ABCA7: variants seen among roughly 807,000 people sequenced by gnomAD.
ABCA7 encodes the protein ATP binding cassette subfamily A member 7.
In ABCA7, 261 loss-of-function variants were observed where a neutral mutation model predicts 227.6. The observed-to-expected ratio is 1.15, with a 90% CI of 1.04 to 1.27. The LOEUF is 1.27. ABCA7 is among the 50% of genes most tolerant of loss of function. The pLI is 0.00. For synonymous variants in ABCA7, 1,488 were observed against 1,279.7 expected (o/e 1.16, Z -3.47); for missense variants, 3,331 against 2,924.5 (o/e 1.14, Z -3.21).
Position 1,041,554 on chromosome 19 carries a change from C to T in ABCA7, c.111C>T (p.Phe37=). 1 of 1,613,464 alleles carries T rather than the reference C, an allele frequency of 6.2e-7. No homozygotes were observed. Among genetic ancestry groups the T allele is most frequent in the Non-Finnish European group, 8.5e-7 (1 of 1,180,032 alleles). The change falls in exon 3 of 47, where the codon TTC becomes TTT. Residue 37 remains phenylalanine, a synonymous_variant. Coordinates refer to ENST00000263094, the MANE Select transcript of ABCA7 (RefSeq NM_019112.4). ...TGCTGTGGCCTCTCTTCCTCTTCTT[C>T]ATCCTGGTGGCTGTTCGCCACTCCC... ...VELLWPLFLF[F]ILVAVRHSHP... is the part of the protein sequence containing the mutation.
Position 1,058,283 on chromosome 19 carries a change from G to C in ABCA7, c.5149+14G>C. 6.2e-7 allele frequency: 1 copy of C among 1,612,454 alleles called. No homozygotes were observed. The highest frequency in any genetic ancestry group is 1.7e-5 in the Admixed American group (1 of 59,948). On this transcript the variant is annotated intron_variant, in intron 37 of 46. Transcript: ENST00000263094. ...TTGAGCGCTTGGGTGAGAACTTCCTGTCAGGTGGGGCCATGGCTACAGATA... is the reference window on the plus strand; with the variant it reads ...TTGAGCGCTTGGGTGAGAACTTCCTCTCAGGTGGGGCCATGGCTACAGATA...
At chr19:1,045,330 G>T (rs1224248406) in intron 12 of ABCA7, 99 bp downstream of exon 12, 13 of 1,190,716 alleles carry the variant, frequency 1.1e-5, no homozygotes, top group Non-Finnish European at 1.4e-5. Context: ...GACCATGATA[G>T]ACAGGATCTG....
intron 12 of ABCA7, 46 bp from the exon 13 acceptor site, chr19:1,046,184 A>C (rs368123184): frequency 4.0e-5 from 64 of 1,590,000 alleles, no homozygotes; most frequent in Middle Eastern, 3.3e-4. Context: ...GGGCCCCGGG[A>C]GTTTCTAGCC....
rs748713198 is a variant in ABCA7, at chr19:1,044,569, C to T, written c.1048-8C>T. 4.4e-6 allele frequency: 7 copies of T among 1,608,568 alleles called. No individual in the cohort carries two copies. The highest frequency in any genetic ancestry group is 2.2e-5 in the South Asian group (2 of 90,864). ...ACCCAGACTCTCACTTTCACCTGCG[C>T]CCCCCAGCGGCTCCTGCAGATGCAG... On this transcript the variant is annotated splice_region_variant and splice_polypyrimidine_tract_variant and intron_variant, in intron 10 of 46. Coordinates refer to ENST00000263094, the MANE Select transcript of ABCA7 (RefSeq NM_019112.4).
rs1250954266 is a variant in ABCA7, at chr19:1,054,939, C to T, written c.3950+61C>T. On this transcript the variant is annotated intron_variant, in intron 29 of 46. Transcript: ENST00000263094. This position sits in a 1 kb window ranked among gnomAD's most constrained non-coding sequence, Gnocchi z 4.8. ...CTGGCCTCAGTTTTCCCATCTGGTC[C>T]CTGGCCAGGGAGCCTCAGGGGGCAC... The T allele has an allele frequency of 4.5e-6, 7 of 1,555,852 alleles. No homozygotes were observed. Among genetic ancestry groups the T allele is most frequent in the Non-Finnish European group, 1.7e-6 (2 of 1,145,664 alleles).
chr19:1,048,510 C>CAAAAAAAAAAAAAAAAAA (rs76143039), intron 16 of ABCA7, among the ~76,000 whole-genome samples: 1 of 52,158 alleles, frequency 1.9e-5, no homozygotes, highest in Non-Finnish European at 3.5e-5. Flanking sequence ...AAAAAAAAAA[C>CAAAAAAAAAAAAAAAAAA]AAAAAAAAAA....
chr19:1,056,404 T>A lies in ABCA7; in HGVS notation c.4491T>A (p.Ala1497=). 2 of 1,613,252 alleles carry A rather than the reference T, an allele frequency of 1.2e-6. No individual in the cohort carries two copies. Among genetic ancestry groups the A allele is most frequent in the Middle Eastern group, 3.3e-4 (2 of 6,062 alleles). The change falls in exon 33 of 47, where the codon GCT becomes GCA. Residue 1497 remains alanine, a synonymous_variant. Transcript: ENST00000263094. The surrounding 1 kb of genome is among the most constrained non-coding windows in gnomAD (Gnocchi z 4.3). ...VNRASNAILR[A]HLPPGPARHA... is the part of the protein sequence containing the mutation. ...GAGCCAGCAACGCAATCCTCCGTGCTCACCTGCCCCCAGGCCCGGCCCGCC... is the reference window on the plus strand; with the variant it reads ...GAGCCAGCAACGCAATCCTCCGTGCACACCTGCCCCCAGGCCCGGCCCGCC...
Position 1,054,879 on chromosome 19 carries a change from G to T in ABCA7, c.3950+1G>T. ...CCCCAGTGCAGCATAGCTCCCACAG[G>T]TGAGGCGTCTTGTTGGCCTGGACCT... On this transcript the variant is annotated splice_donor_variant, in intron 29 of 46. Coordinates refer to ENST00000263094, the MANE Select transcript of ABCA7 (RefSeq NM_019112.4). LOFTEE classifies it high-confidence loss of function. This position sits in a 1 kb window ranked among gnomAD's most constrained non-coding sequence, Gnocchi z 4.8. 1 of 1,556,102 alleles carries T rather than the reference G, an allele frequency of 6.4e-7. No individual in the cohort carries two copies. Among genetic ancestry groups the T allele is most frequent in the Non-Finnish European group, 8.7e-7 (1 of 1,149,776 alleles).
chr19:1,061,223 C>T (rs2042630974), intron 40 of ABCA7, among the ~76,000 whole-genome samples: 1 of 151,706 alleles, frequency 6.6e-6, no homozygotes, highest in African/African-American at 2.4e-5. Flanking sequence ...ATGCCAAAAC[C>T]CCGTCTCTAC....
At chr19:1,064,094 C>T (rs1404386741) in intron 44 of ABCA7, 67 bp from the exon 45 acceptor site, 22 of 1,467,068 alleles carry the variant, frequency 1.5e-5, no homozygotes, top group Middle Eastern at 4.6e-4. Context: ...CCGGGGGAAG[C>T]AGGCAGTGTG....
chr19:1,060,554 C>T (rs1568410404), intron 40 of ABCA7, among the ~76,000 whole-genome samples: 2 of 148,374 alleles, frequency 1.3e-5, no homozygotes, highest in Admixed American at 6.8e-5. Flanking sequence ...AAGTCTCGCT[C>T]TGCCACCCAG....
intron 30 of ABCA7, 94 bp downstream of exon 30, chr19:1,055,445 T>A (rs1228806818): frequency 1.5e-5 from 21 of 1,410,042 alleles, no homozygotes; most frequent in Non-Finnish European, 2.0e-5. Flanking sequence ...AGTGGAGGGG[T>A]TGGATGCCCA....
At chr19:1,051,373 C>T (rs939663480) in intron 20 of ABCA7, 76 bp from the exon 21 acceptor site, 2 of 714,292 alleles carry the variant, frequency 2.8e-6, no homozygotes, top group Non-Finnish European at 4.1e-6. Flanking sequence ...AAGCCGGGTA[C>T]TGAGGTCCAC....
rs4147912 is a variant in ABCA7 at position 1,049,013 on chromosome 19, A to C, written c.2380+8A>C. The stretch of plus-strand genomic sequence containing the variant: ...CCCCGCTGGACCCAAAGGGTGAGGC[A>C]CTACGAGGCTTAATAGCTGGTTGTC... On this transcript the variant is annotated splice_region_variant and intron_variant, in intron 17 of 46. Coordinates refer to ENST00000263094, the MANE Select transcript of ABCA7 (RefSeq NM_019112.4). 1,169,171 of 1,535,590 alleles carry C rather than the reference A, an allele frequency of 0.76. 447,163 individuals are homozygous for C. Among genetic ancestry groups the C allele is most frequent in the Admixed American group, 0.87 (45,084 of 51,672 alleles).
chr19:1,056,219 C>T lies in ABCA7; in HGVS notation c.4392C>T (p.Ser1464=). 1 of 1,600,084 alleles carries T rather than the reference C, an allele frequency of 6.2e-7. No homozygotes were observed. Among genetic ancestry groups the T allele is most frequent in the Non-Finnish European group, 8.5e-7 (1 of 1,174,444 alleles). The part of the protein sequence containing the change: ...VLKNLTAWAH[S]LDAQDSLKIW... ...AAAACCTCACAGCCTGGGCTCACAG[C>T]CTGGATGCTCAGGACAGTCTCAAGG... The change falls in exon 32 of 47, where the codon AGC becomes AGT. Residue 1464 remains serine, a synonymous_variant. Coordinates refer to ENST00000263094, the MANE Select transcript of ABCA7 (RefSeq NM_019112.4). This position sits in a 1 kb window ranked among gnomAD's most constrained non-coding sequence, Gnocchi z 4.3.
At chr19:1,051,869 C>A (rs2041663944) in intron 21 of ABCA7, 73 bp from the exon 22 acceptor site, 2 of 1,564,500 alleles carry the variant, frequency 1.3e-6, no homozygotes, top group South Asian at 1.2e-5. Flanking sequence ...GCAGACAACT[C>A]CTGGCAGAGG....
intron 22 of ABCA7, 33 bp downstream of exon 22, chr19:1,052,159 C>T: frequency 6.2e-7 from 1 of 1,609,420 alleles, no homozygotes; most frequent in Non-Finnish European, 8.5e-7. Flanking sequence ...CCCCTGACCC[C>T]CGGGACTCTG....
In ABCA7 at chr19:1,054,741, G is replaced by C. The variant is rs1203078533; in HGVS notation, c.3852-39G>C. 3.1e-6 allele frequency: 5 copies of C among 1,607,242 alleles called. No individual in the cohort carries two copies. The highest frequency in any genetic ancestry group is 3.4e-6 in the Non-Finnish European group (4 of 1,175,466). The stretch of plus-strand genomic sequence containing the variant: ...TGGTGGCAGGAAGACTAGGGACCTG[G>C]GGGTACAGCCCTGACCCTACATCTC... On this transcript the variant is annotated intron_variant, in intron 28 of 46. Coordinates refer to ENST00000263094, the MANE Select transcript of ABCA7 (RefSeq NM_019112.4). This position sits in a 1 kb window ranked among gnomAD's most constrained non-coding sequence, Gnocchi z 4.8.
chr19:1,047,209 C>A lies in ABCA7; in HGVS notation c.1898C>A (p.Ala633Glu), dbSNP rs1234097396. ...SHPGVVFLFL[A>E]AFAVATVTQS... ...CCGGGCGTGGTCTTCCTGTTCTTGGCAGCCTTCGCGGTGGCCACGGTGACC... is the reference window on the plus strand; with the variant it reads ...CCGGGCGTGGTCTTCCTGTTCTTGGAAGCCTTCGCGGTGGCCACGGTGACC... Residue 633 changes from alanine to glutamate, a missense_variant, in exon 15 of 47, where the codon GCA becomes GAA. Coordinates refer to ENST00000263094, the MANE Select transcript of ABCA7 (RefSeq NM_019112.4). The A allele has an allele frequency of 6.2e-7, 1 of 1,608,980 alleles. No homozygotes were observed.
Sources: allele counts gnomAD v4.1 joint callset (sites outside exome capture counted in the v4.1 genomes callset), GRCh38; gene constraint gnomAD v4.1.1; non-coding constraint Gnocchi (gnomAD v3.1); transcripts MANE v1.5; gene names NCBI Gene and HGNC (gene_info 2026-07-23, HGNC 2026-07-21).